Variants in MBD1 observed in about 807,000 individuals in gnomAD.
MBD1 encodes the protein methyl-CpG-binding domain protein 1.
Under a neutral mutation model 82.6 loss-of-function variants are expected in MBD1, and 25 were observed. That is an observed-to-expected ratio of 0.30 (90% confidence interval 0.22 to 0.42). The LOEUF is 0.42. MBD1 is among the 10% of genes least tolerant of loss of function. The pLI, the probability that MBD1 is intolerant of heterozygous loss-of-function variation, is 1.00. For missense variants in MBD1, 627 were observed against 819.6 expected, an observed-to-expected ratio of 0.76 and a Z score of 2.87; for synonymous variants, 301 against 303.7, an observed-to-expected ratio of 0.99 and a Z score of 0.09.
At chr18:50,278,747 A>G (rs1409057124) in intron 2 of MBD1, among the ~76,000 whole-genome samples, 1 of 152,260 alleles carries the variant, frequency 6.6e-6, no homozygotes, top group Non-Finnish European at 1.5e-5. Flanking sequence ...AACATTGAAT[A>G]CAAAACCATT....
At chr18:50,278,174 C>G (rs1257965950) in intron 2 of MBD1, among the ~76,000 whole-genome samples, 1 of 152,196 alleles carries the variant, frequency 6.6e-6, no homozygotes. Flanking sequence ...ACCTCTTGAG[C>G]AGGACTGAGC....
intron 12 of MBD1, 46 bp downstream of exon 12, chr18:50,273,518 T>G (rs1303136419): frequency 6.2e-7 from 1 of 1,613,736 alleles, no homozygotes; most frequent in Admixed American, 1.7e-5. Context: ...CTCCCTGGCA[T>G]GCAGCTGGGT....
In MBD1 at chr18:50,275,809, G is replaced by A. The variant is rs754567557; in HGVS notation, c.663+26C>T. The A allele has an allele frequency of 3.1e-6, 5 of 1,614,200 alleles. No homozygotes were observed. In the East Asian group the frequency reaches 1.1e-4, roughly 36 times the overall value. ...GGGGCCAGGGGCCGAGGTGAGCCTTGGGCTCTTTCCACTTGCCCAACTCAC... is the reference window on the plus strand; with the variant it reads ...GGGGCCAGGGGCCGAGGTGAGCCTTAGGCTCTTTCCACTTGCCCAACTCAC... On this transcript the variant is annotated intron_variant, in intron 7 of 16. Coordinates refer to ENST00000269468, the MANE Select transcript of MBD1 (RefSeq NM_015846.4).
intron 16 of MBD1, 195 bp downstream of exon 16, chr18:50,271,274 C>T: frequency 6.9e-7 from 1 of 1,442,538 alleles, no homozygotes; most frequent in South Asian, 1.5e-5. Context: ...GAAGATGCAC[C>T]AACTTTCTAC....
At position 50,269,399 on chromosome 18, in the gene MBD1, C is replaced by T; in HGVS notation, c.*452G>A. 8.8e-7 allele frequency: 1 copy of T among 1,139,616 alleles called. No individual in the cohort carries two copies. Among genetic ancestry groups the T allele is most frequent in the Non-Finnish European group, 1.2e-6 (1 of 833,150 alleles). The allele number at this position is 1,139,616 out of a possible 1,614,324, so 70.6% of individuals were successfully genotyped here. Reference sequence around the variant, plus strand: ...TTCCAGTAAGATGGGCCACAAGAGACATTTTGCTTGATAACCGGAGGGCGG... The same window carrying T: ...TTCCAGTAAGATGGGCCACAAGAGATATTTTGCTTGATAACCGGAGGGCGG... On this transcript the variant is annotated 3_prime_UTR_variant, in exon 17 of 17. Transcript: ENST00000269468.
rs1460312558 is a variant in MBD1, at chr18:50,277,204, G to A, written c.111C>T (p.Ser37=). Residue 37 remains serine (S), a splice_region_variant and synonymous_variant, in exon 3 of 17, where the codon AGC becomes AGT. Transcript: ENST00000269468. ...TCGRSDTYYQ[S]PTGDRIRSKV... Reference sequence around the variant, plus strand: ...TGCTTCGGATCCTGTCTCCTGTGGGGCTAGGGATGGGCCATGATGGGTTAG... The same window carrying A: ...TGCTTCGGATCCTGTCTCCTGTGGGACTAGGGATGGGCCATGATGGGTTAG... 9 of 1,611,452 alleles carry A rather than the reference G, an allele frequency of 5.6e-6. No individual in the cohort carries two copies. The highest frequency in any genetic ancestry group is 6.8e-6 in the Non-Finnish European group (8 of 1,177,800).
chr18:50,281,552 G>C (rs1453942880), upstream of MBD1: 2 of 575,164 alleles, frequency 3.5e-6, no homozygotes, highest in Admixed American at 3.2e-5. Flanking sequence ...CCTGCCTCTC[G>C]GGCTCCGCCT....
At chr18:50,280,796 C>A (rs534314051) in intron 1 of MBD1, among the ~76,000 whole-genome samples, 125 of 152,196 alleles carry the variant, frequency 8.2e-4, no homozygotes, top group Non-Finnish European at 1.6e-3. Context: ...AAGTTCCCCA[C>A]TTCTCCTCCT....
rs564204623 is a variant in MBD1 at position 50,275,376 on chromosome 18, G to A, written c.793-131C>T. On this transcript the variant is annotated intron_variant, in intron 8 of 16. Transcript: ENST00000269468. ...GGTGGCGTGAGGCACTCACAGTTGGGGGAGCCACAGCCAGGGGAGTGCGTC... is the reference window on the plus strand; with the variant it reads ...GGTGGCGTGAGGCACTCACAGTTGGAGGAGCCACAGCCAGGGGAGTGCGTC... 1,245 of 1,611,116 alleles carry A rather than the reference G, an allele frequency of 7.7e-4. 3 individuals carry two copies. The highest frequency in any genetic ancestry group is 9.6e-4 in the Non-Finnish European group (1,135 of 1,179,294).
intron 12 of MBD1, 28 bp downstream of exon 12, chr18:50,273,536 G>T: frequency 6.2e-7 from 1 of 1,613,292 alleles, no homozygotes; most frequent in Non-Finnish European, 8.5e-7. Context: ...GGTGAGGCTG[G>T]GAAGGCAGGA....
intron 1 of MBD1, 97 bp downstream of exon 1, chr18:50,281,266 G>A: frequency 6.6e-7 from 1 of 1,509,338 alleles, no homozygotes; most frequent in South Asian, 1.2e-5. Flanking sequence ...TTATCGGCCT[G>A]AGGGCCCTTC....
intron 4 of MBD1, 41 bp from the exon 5 acceptor site, chr18:50,276,785 C>A: frequency 6.2e-7 from 1 of 1,614,176 alleles, no homozygotes; most frequent in Non-Finnish European, 8.5e-7. Flanking sequence ...AAGAGCACCC[C>A]CAATCACAAC....
intron 2 of MBD1, among the ~76,000 whole-genome samples, chr18:50,279,460 T>C (rs2039364452): frequency 6.6e-6 from 1 of 152,224 alleles, no homozygotes; most frequent in Non-Finnish European, 1.5e-5. Context: ...CGACATAGTC[T>C]TCTCACAGAA....
At chr18:50,269,878 C>T (rs1396982115) in intron 16 of MBD1, 60 bp from the exon 17 acceptor site, 10 of 956,696 alleles carry the variant, frequency 1.0e-5, no homozygotes, top group Non-Finnish European at 1.2e-5. Flanking sequence ...TTAACCAGCT[C>T]CCACAATGGC....
chr18:50,270,093 A>C, intron 16 of MBD1: 1 of 1,598,288 alleles, frequency 6.3e-7, no homozygotes, highest in Non-Finnish European at 8.5e-7. Context: ...TTCCTGGGGG[A>C]AACAAAGCAG....
chr18:50,272,531 C>G, intron 15 of MBD1, 146 bp downstream of exon 15: 1 of 859,828 alleles, frequency 1.2e-6, no homozygotes, highest in Non-Finnish European at 2.0e-6. Flanking sequence ...TACACACACG[C>G]CCCTCATTAA....
chr18:50,274,834 C>T (rs2037107897), intron 10 of MBD1, 143 bp downstream of exon 10: 1 of 834,144 alleles, frequency 1.2e-6, no homozygotes, highest in Admixed American at 2.0e-5. Flanking sequence ...CCGTATTAGT[C>T]CTCCATTATC....
Position 50,275,168 on chromosome 18 carries a change from A to G in MBD1, c.870T>C (p.Pro290=). 1 of 1,613,982 alleles carries G rather than the reference A, an allele frequency of 6.2e-7. No homozygotes were observed. Among genetic ancestry groups the G allele is most frequent in the Non-Finnish European group, 8.5e-7 (1 of 1,179,982 alleles). Residue 290 remains proline, a synonymous_variant, in exon 9 of 17, where the codon CCT becomes CCC. Transcript: ENST00000269468. Reference sequence around the variant, plus strand: ...CTGGGGACTGTGATGGGGGTGGTGGAGGCAGTGGCTGGGCTCCGGGGCGCC... The same window carrying G: ...CTGGGGACTGTGATGGGGGTGGTGGGGGCAGTGGCTGGGCTCCGGGGCGCC... ...ARRRPGAQPL[P]PPPPSQSPEP...
chr18:50,271,427 A>G (rs1252975359), intron 16 of MBD1, 42 bp downstream of exon 16: 5 of 1,613,796 alleles, frequency 3.1e-6, no homozygotes, highest in Non-Finnish European at 4.2e-6. Flanking sequence ...AGCCCCTAGT[A>G]GATCAGTGTT....
Sources: gnomAD v4.1 joint callset for allele counts (sites outside exome capture counted in the v4.1 genomes callset) on GRCh38, gnomAD v4.1.1 for gene constraint, MANE v1.5 for transcripts, NCBI Gene and HGNC (gene_info 2026-07-23, HGNC 2026-07-21) for gene names.